Variants in SLC1A3 observed in about 807,000 individuals in gnomAD.
SLC1A3 encodes solute carrier family 1 member 3.
SLC1A3 carries 21 observed loss-of-function variants against 48.1 expected under a neutral mutation model. The ratio of observed to expected loss-of-function variants is 0.44; its 90% confidence interval spans 0.31 to 0.63. SLC1A3 has a LOEUF of 0.63. Ranked by LOEUF, SLC1A3 falls within the 20% of genes least tolerant of loss-of-function variation. The pLI, the probability that SLC1A3 is intolerant of heterozygous loss-of-function variation, is 0.08. For missense variants in SLC1A3, 546 were observed against 689.0 expected (o/e 0.79, Z 2.32); for synonymous variants, 239 against 251.4 (o/e 0.95, Z 0.47).
chr5:36,609,777 G>C (rs1469517647), intron 2 of SLC1A3, among the ~76,000 whole-genome samples: 1 of 152,264 alleles, frequency 6.6e-6, no homozygotes, highest in African/African-American at 2.4e-5. Context: ...ACCCAGAGAA[G>C]TAATGGCTTT....
At chr5:36,597,643 A>C (rs1738760360) in intron 1 of SLC1A3, among the ~76,000 whole-genome samples, 1 of 151,904 alleles carries the variant, frequency 6.6e-6, no homozygotes, top group Non-Finnish European at 1.5e-5. Flanking sequence ...ACTTGTCCTG[A>C]CTTGGAACTC....
At chr5:36,658,983 T>A (rs1392842200) in intron 3 of SLC1A3, among the ~76,000 whole-genome samples, 1 of 129,420 alleles carries the variant, frequency 7.7e-6, no homozygotes, top group Non-Finnish European at 1.7e-5. Context: ...CTTTACAACC[T>A]ACCCATTTTT....
intron 3 of SLC1A3, among the ~76,000 whole-genome samples, chr5:36,644,198 G>A (rs1645660): frequency 0.35 from 52,665 of 151,282 alleles, 10,294 homozygotes; most frequent in South Asian, 0.45. Flanking sequence ...GTGGGATGTC[G>A]TTAGTAATAC....
At chr5:36,665,373 C>T (rs376414269) in intron 3 of SLC1A3, among the ~76,000 whole-genome samples, 110 of 152,312 alleles carry the variant, frequency 7.2e-4, no homozygotes, top group African/African-American at 2.5e-3. Context: ...CAGATGGTCC[C>T]GCTCTCTTGG....
At chr5:36,657,663 TGGAAAC>T (rs1334343244) in intron 3 of SLC1A3, among the ~76,000 whole-genome samples, 1 of 152,228 alleles carries the variant, frequency 6.6e-6, no homozygotes, top group East Asian at 1.9e-4. Context: ...CAATGCTGGA[TGGAAAC>T]CAACATGATG....
intron 3 of SLC1A3, among the ~76,000 whole-genome samples, chr5:36,642,995 G>A (rs1396104775): frequency 1.3e-5 from 2 of 152,066 alleles, no homozygotes; most frequent in African/African-American, 4.8e-5. Context: ...TTCATATAAT[G>A]AACATATCAC....
chr5:36,630,651 G>GT (rs1243126509), intron 3 of SLC1A3, among the ~76,000 whole-genome samples: 2 of 152,202 alleles, frequency 1.3e-5, no homozygotes, highest in African/African-American at 4.8e-5. Context: ...AGATCTCTGT[G>GT]TAATGAGAAC....
intron 3 of SLC1A3, among the ~76,000 whole-genome samples, chr5:36,646,013 A>G (rs939324473): frequency 6.6e-6 from 1 of 152,236 alleles, no homozygotes; most frequent in Admixed American, 6.5e-5. Context: ...TGTAAGTAAT[A>G]TATGTAGTGA....
At chr5:36,615,827 T>A (rs188056086) in intron 2 of SLC1A3, among the ~76,000 whole-genome samples, 45 of 152,358 alleles carry the variant, frequency 3.0e-4, no homozygotes, top group African/African-American at 1.1e-3. Context: ...GTGAGCTGCA[T>A]CATTGCTGGG....
intron 2 of SLC1A3, chr5:36,612,604 A>T (rs34884619): frequency 0.25 from 37,495 of 152,956 alleles, 6,501 homozygotes; most frequent in African/African-American, 0.49. Flanking sequence ...AAGAAAAAAA[A>T]AATAATAATA....
upstream of SLC1A3, among the ~76,000 whole-genome samples, chr5:36,602,630 T>G (rs1044348854): frequency 2.0e-5 from 3 of 152,252 alleles, no homozygotes; most frequent in African/African-American, 7.2e-5. Flanking sequence ...GGAGAAAACA[T>G]GTTGTTTTTT....
At chr5:36,681,924 G>A (rs1235556018) in intron 8 of SLC1A3, among the ~76,000 whole-genome samples, 1 of 152,096 alleles carries the variant, frequency 6.6e-6, no homozygotes, top group Non-Finnish European at 1.5e-5. Context: ...CCTACATATA[G>A]GGAAGTTGAA....
At chr5:36,630,456 C>A (rs563028971) in intron 3 of SLC1A3, 1 of 152,152 alleles carries the variant, frequency 6.6e-6, no homozygotes, top group African/African-American at 2.4e-5. Flanking sequence ...AGACACTGCC[C>A]GAGCAGGATG....
chr5:36,685,836 G>T (rs1478408804), intron 9 of SLC1A3, among the ~76,000 whole-genome samples: 1 of 152,190 alleles, frequency 6.6e-6, no homozygotes, highest in Non-Finnish European at 1.5e-5. Flanking sequence ...CCACTGTTGG[G>T]ACTCTCACTT....
At chr5:36,649,757 A>C (rs774607279) in intron 3 of SLC1A3, among the ~76,000 whole-genome samples, 1 of 152,240 alleles carries the variant, frequency 6.6e-6, no homozygotes, top group African/African-American at 2.4e-5. Flanking sequence ...AATTAATAGT[A>C]GCTAATATAA....
rs1334451107 is a variant in SLC1A3, at chr5:36,667,793, T to A, written c.320-3236T>A. On this transcript the variant is annotated intron_variant, in intron 3 of 9. Coordinates refer to ENST00000265113, the MANE Select transcript of SLC1A3 (RefSeq NM_004172.5). ...TACTTATAACAATAGTACAATACAGTATTTCTTTGGATTTCAGGGGGGTCT... is the reference window on the plus strand; with the variant it reads ...TACTTATAACAATAGTACAATACAGAATTTCTTTGGATTTCAGGGGGGTCT... 3.9e-5 allele frequency: 6 copies of A among 152,222 alleles called. No homozygotes were observed. In the East Asian group the frequency reaches 1.2e-3, roughly 29 times the overall value. 9.4% of individuals were successfully genotyped at this position (152,222 alleles called of 1,614,324 possible). A position where few individuals can be genotyped will look rare whatever the true frequency, so the allele number is the denominator to read the frequency against.
chr5:36,661,307 G>A (rs2111886544), intron 3 of SLC1A3, among the ~76,000 whole-genome samples: 1 of 152,262 alleles, frequency 6.6e-6, no homozygotes, highest in South Asian at 2.1e-4. Flanking sequence ...AGCTACTTGG[G>A]AGGCTGAGGC....
chr5:36,683,756 G>T, intron 8 of SLC1A3, 108 bp from the exon 9 acceptor site: 1 of 1,203,802 alleles, frequency 8.3e-7, no homozygotes, highest in East Asian at 2.4e-5. Flanking sequence ...GCGTCCTCTT[G>T]TGTTACATGG....
intron 1 of SLC1A3, among the ~76,000 whole-genome samples, chr5:36,598,275 T>G (rs183128639): frequency 6.6e-6 from 1 of 152,160 alleles, no homozygotes; most frequent in African/African-American, 2.4e-5. Context: ...TTAGTAACAG[T>G]GGGATTGTTG....
Sources: gnomAD v4.1 joint callset for allele counts (sites outside exome capture counted in the v4.1 genomes callset) on GRCh38, gnomAD v4.1.1 for gene constraint, MANE v1.5 for transcripts, NCBI Gene and HGNC (gene_info 2026-07-23, HGNC 2026-07-21) for gene names.